The following MTA3 variants were observed in gnomAD, a reference collection of about 807,000 sequenced individuals.
MTA3 encodes the protein metastasis associated 1 family member 3.
MTA3 carries 34 observed loss-of-function variants against 83.5 expected under a neutral mutation model. The ratio of observed to expected loss-of-function variants is 0.41; its 90% CI spans 0.31 to 0.54. The LOEUF (loss-of-function observed/expected upper bound fraction) is 0.54, where lower values mean the gene tolerates loss of function less well. MTA3 is among the 20% of genes least tolerant of loss of function. The probability of loss-of-function intolerance (pLI) is 0.33; values close to 1 mark genes in which losing one functional copy is unlikely to be tolerated. For synonymous variants in MTA3, 303 were observed against 252.7 expected (o/e 1.20, Z -1.89); for missense variants, 761 against 726.4 (o/e 1.05, Z -0.55).
At chr2:42,675,169 CT>C (rs1288971051) in intron 8 of MTA3, among the ~76,000 whole-genome samples, 1 of 151,878 alleles carries the variant, frequency 6.6e-6, no homozygotes. Flanking sequence ...CGAGGTCTCA[CT>C]CTGTCACCCA....
intron 3 of MTA3, among the ~76,000 whole-genome samples, chr2:42,591,484 C>T (rs1327502708): frequency 6.6e-6 from 1 of 152,070 alleles, no homozygotes; most frequent in Non-Finnish European, 1.5e-5. Flanking sequence ...TGAATTAACC[C>T]AATTTATTAT....
chr2:42,756,613 G>A lies in MTA3; in HGVS notation c.*3214G>A. 2.0e-6 allele frequency: 2 copies of A among 985,640 alleles called. No homozygotes were observed. The highest frequency in any genetic ancestry group is 2.4e-6 in the Non-Finnish European group (2 of 830,046). 61.1% of individuals were successfully genotyped at this position (985,640 alleles called of 1,614,324 possible). On this transcript the variant is annotated 3_prime_UTR_variant, in exon 17 of 17. Transcript: ENST00000405094. ...GATTCTGTTTTACTCTGCCTAGAGAGGAAACGGCTTTGGGGAGGGAGGGGG... is the reference window on the plus strand; with the variant it reads ...GATTCTGTTTTACTCTGCCTAGAGAAGAAACGGCTTTGGGGAGGGAGGGGG...
rs142659380 is a variant in MTA3, at chr2:42,679,288, C to T, written c.703-3113C>T. 2.2e-3 allele frequency among the ~76,000 whole-genome samples: 328 copies of T among 152,256 alleles called. 2 individuals carry two copies. Among genetic ancestry groups the T allele is most frequent in the African/African-American group, 7.6e-3 (314 of 41,542 alleles). ...ACTCCCCTTCTCATCCCAACTTGTGCGTGAACCCCAGATTTTATATTGCCT... is the reference window on the plus strand; with the variant it reads ...ACTCCCCTTCTCATCCCAACTTGTGTGTGAACCCCAGATTTTATATTGCCT... On this transcript the variant is annotated intron_variant, in intron 8 of 16. Transcript: ENST00000405094.
intron 16 of MTA3, among the ~76,000 whole-genome samples, chr2:42,733,613 C>T (rs927918025): frequency 2.6e-5 from 4 of 152,244 alleles, no homozygotes; most frequent in Non-Finnish European, 5.9e-5. Flanking sequence ...ATGTTTTCAT[C>T]GACCCACTGG....
At chr2:42,642,457 A>G (rs762693874) in intron 5 of MTA3, among the ~76,000 whole-genome samples, 6 of 151,982 alleles carry the variant, frequency 3.9e-5, no homozygotes, top group African/African-American at 7.3e-5. Flanking sequence ...GGAGTTTGAG[A>G]CCAGCCCAGG....
intron 2 of MTA3, among the ~76,000 whole-genome samples, chr2:42,508,251 A>T (rs1189785569): frequency 6.6e-6 from 1 of 151,890 alleles, no homozygotes; most frequent in Non-Finnish European, 1.5e-5. Context: ...TCTTTCCCTT[A>T]CCCTATTTTT....
At chr2:42,695,744 G>A (rs1446866692) in intron 9 of MTA3, 21 bp from the exon 10 acceptor site, 2 of 1,401,104 alleles carry the variant, frequency 1.4e-6, no homozygotes, top group Non-Finnish European at 1.9e-6. Context: ...TAGATGATAG[G>A]TTGATTTTTT....
chr2:42,755,825 C>T lies in MTA3; in HGVS notation c.*2426C>T, dbSNP rs775816981. 6 of 985,572 alleles carry T rather than the reference C, an allele frequency of 6.1e-6. No homozygotes were observed. The highest frequency in any genetic ancestry group is 7.2e-6 in the Non-Finnish European group (6 of 830,034). The allele number at this position is 985,572 out of a possible 1,614,324, so 61.1% of individuals were successfully genotyped here. On this transcript the variant is annotated 3_prime_UTR_variant, in exon 17 of 17. Coordinates refer to ENST00000405094, the MANE Select transcript of MTA3 (RefSeq NM_001330442.2). ...CAGAGACTGTCTGCGCAGCCCCCAGCAGACATGCCCCTGGGGTGAGGACAC... is the reference window on the plus strand; with the variant it reads ...CAGAGACTGTCTGCGCAGCCCCCAGTAGACATGCCCCTGGGGTGAGGACAC...
intron 2 of MTA3, among the ~76,000 whole-genome samples, chr2:42,510,462 T>C (rs1674848199): frequency 6.6e-6 from 1 of 152,130 alleles, no homozygotes; most frequent in Admixed American, 6.6e-5. Context: ...GGTCCCCGCC[T>C]TCACCCCTTC....
chr2:42,532,750 TTA>T, intron 2 of MTA3: 4 of 237,100 alleles, frequency 1.7e-5, no homozygotes, highest in Non-Finnish European at 3.3e-5. Flanking sequence ...TTTTTTTTTT[TTA>T]AACACCTATT....
At chr2:42,526,851 C>A (rs1422216809) in intron 2 of MTA3, among the ~76,000 whole-genome samples, 1 of 151,752 alleles carries the variant, frequency 6.6e-6, no homozygotes, top group African/African-American at 2.4e-5. Context: ...GTCAAGAGAT[C>A]GAGACCATTC....
intron 2 of MTA3, among the ~76,000 whole-genome samples, chr2:42,499,624 T>G (rs1674304485): frequency 6.6e-6 from 1 of 151,304 alleles, no homozygotes; most frequent in South Asian, 2.1e-4. Context: ...ACCCCGTCTC[T>G]ACTAAAAATA....
intron 3 of MTA3, among the ~76,000 whole-genome samples, chr2:42,592,179 T>A (rs577113468): frequency 5.0e-4 from 76 of 152,188 alleles, no homozygotes; most frequent in African/African-American, 1.7e-3. Flanking sequence ...GGAGGATTGG[T>A]TGAGCCCAGT....
At chr2:42,725,179 A>G (rs780425862) in intron 16 of MTA3, among the ~76,000 whole-genome samples, 3 of 152,232 alleles carry the variant, frequency 2.0e-5, no homozygotes, top group Non-Finnish European at 4.4e-5. Context: ...TTTGTTTTGC[A>G]TATCATTGTA....
intron 2 of MTA3, among the ~76,000 whole-genome samples, chr2:42,555,332 G>A (rs1244066835): frequency 1.3e-5 from 2 of 150,370 alleles, no homozygotes; most frequent in South Asian, 4.2e-4. Flanking sequence ...GTGCATGCCT[G>A]TAATCCCAGC....
At chr2:42,548,448 A>G (rs1463106524) in intron 2 of MTA3, among the ~76,000 whole-genome samples, 1 of 152,092 alleles carries the variant, frequency 6.6e-6, no homozygotes, top group African/African-American at 2.4e-5. Flanking sequence ...CCTGGGCAGC[A>G]AAGCAAGACT....
intron 2 of MTA3, among the ~76,000 whole-genome samples, chr2:42,559,032 ACT>A (rs1677537000): frequency 6.6e-6 from 1 of 150,788 alleles, no homozygotes. Flanking sequence ...CTCCACCCAC[ACT>A]CCCTCTCCTG....
intron 3 of MTA3, among the ~76,000 whole-genome samples, chr2:42,588,891 T>C (rs1680651203): frequency 6.6e-6 from 1 of 152,116 alleles, no homozygotes; most frequent in Admixed American, 6.6e-5. Context: ...GTTTACATAA[T>C]TGCTGGGGCT....
At chr2:42,688,606 A>G (rs1319616792) in intron 9 of MTA3, among the ~76,000 whole-genome samples, 1 of 133,764 alleles carries the variant, frequency 7.5e-6, no homozygotes, top group African/African-American at 2.9e-5. Flanking sequence ...TGTATTTTGC[A>G]TTCAAGTGTT....
Sources: allele counts gnomAD v4.1 joint callset (sites outside exome capture counted in the v4.1 genomes callset), GRCh38; gene constraint gnomAD v4.1.1; transcripts MANE v1.5; gene names NCBI Gene and HGNC (gene_info 2026-07-23, HGNC 2026-07-21).